AK6: variants seen among roughly 807,000 people sequenced by gnomAD.
The protein encoded by AK6 is adenylate kinase isoenzyme 6.
In AK6, 24 loss-of-function variants were observed where a neutral mutation model predicts 23.7. The ratio of observed to expected loss-of-function variants is 1.01; its 90% CI spans 0.73 to 1.43. The LOEUF (loss-of-function observed/expected upper bound fraction) is 1.43, where lower values mean the gene tolerates loss of function less well. Ranked by LOEUF, AK6 falls within the 40% of genes most tolerant of loss-of-function variation. The pLI is 0.00. For missense variants in AK6, 191 were observed against 199.1 expected, an observed-to-expected ratio of 0.96 and a Z score of 0.24; for synonymous variants, 73 against 69.8, an observed-to-expected ratio of 1.05 and a Z score of -0.23.
At chr5:69,352,475 T>TC (rs140559879) in intron 4 of AK6, among the ~76,000 whole-genome samples, 10,255 of 149,992 alleles carry the variant, frequency 0.068, 468 homozygotes, top group Non-Finnish European at 0.094. Flanking sequence ...TGTTTGAATT[T>TC]CCCCCCCCCA....
intron 2 of AK6, among the ~76,000 whole-genome samples, chr5:69,361,755 C>T (rs1762243424): frequency 1.3e-5 from 2 of 151,872 alleles, no homozygotes; most frequent in South Asian, 4.1e-4. Flanking sequence ...CTGGGGCCCA[C>T]CACCATACCT....
At chr5:69,369,370 C>A in intron 1 of AK6, 93 bp downstream of exon 1, 1 of 1,434,586 alleles carries the variant, frequency 7.0e-7, no homozygotes, top group South Asian at 1.3e-5. Context: ...CTGAAGAGGG[C>A]AGTGAGGGGC....
intron 2 of AK6, among the ~76,000 whole-genome samples, chr5:69,358,867 T>C (rs1276629443): frequency 3.3e-5 from 5 of 152,194 alleles, no homozygotes; most frequent in Non-Finnish European, 2.9e-5. Flanking sequence ...AAATCAACTT[T>C]CTAAACAAAG....
At chr5:69,353,152 C>A (rs925994417) in intron 4 of AK6, among the ~76,000 whole-genome samples, 1 of 152,044 alleles carries the variant, frequency 6.6e-6, no homozygotes, top group African/African-American at 2.4e-5. Context: ...TAAAAGTCCA[C>A]ATCCTGTATG....
chr5:69,365,224 C>T lies in AK6; in HGVS notation c.121+1279G>A. ...ATGGGAGTCCCTACTTTAGTTGAAACAGACATGGTCTGTGGGGTTGGTGTG... is the reference window on the plus strand; with the variant it reads ...ATGGGAGTCCCTACTTTAGTTGAAATAGACATGGTCTGTGGGGTTGGTGTG... On this transcript the variant is annotated intron_variant, in intron 2 of 4. Transcript: ENST00000380822. The T allele has an allele frequency of 6.2e-7, 1 of 1,614,198 alleles. No individual in the cohort carries two copies. The highest frequency in any genetic ancestry group is 8.5e-7 in the Non-Finnish European group (1 of 1,180,026).
intron 2 of AK6, chr5:69,365,090 T>C (rs759376864): frequency 1.7e-5 from 28 of 1,614,102 alleles, no homozygotes; most frequent in African/African-American, 1.2e-4. Context: ...CGATTAATGA[T>C]GGATTAATCA....
chr5:69,357,853 A>G (rs1417261609), intron 2 of AK6, among the ~76,000 whole-genome samples: 2 of 152,170 alleles, frequency 1.3e-5, no homozygotes, highest in Non-Finnish European at 2.9e-5. Context: ...TACCAACTTT[A>G]TAACTTTATA....
At position 69,362,745 on chromosome 5, in the gene AK6, TCAAA is replaced by T. The variant is rs777008855; in HGVS notation, c.121+3754_121+3757del. Among the ~76,000 whole-genome samples the T allele has an allele frequency of 1.3e-4, 20 of 151,968 alleles. No individual in the cohort carries two copies. In the East Asian group the frequency reaches 1.7e-3, roughly 13 times the overall value. On this transcript the variant is annotated intron_variant, in intron 2 of 4. Coordinates refer to ENST00000380822, the MANE Select transcript of AK6 (RefSeq NM_016283.5). ...CTGGGCCACAGAGCAAGACCCTGTC[TCAAA>T]CAAACAAACAAAAAAACCCCACAAA...
At chr5:69,366,789 ACT>A (rs1178281440) in intron 1 of AK6, 194 bp from the exon 2 acceptor site, 1 of 561,580 alleles carries the variant, frequency 1.8e-6, no homozygotes, top group Non-Finnish European at 3.2e-6. Context: ...ACAGAGTTTC[ACT>A]CTTGTCGCCC....
intron 2 of AK6, among the ~76,000 whole-genome samples, chr5:69,362,330 C>T (rs1240861561): frequency 1.3e-5 from 2 of 152,042 alleles, no homozygotes; most frequent in East Asian, 3.9e-4. Context: ...CCCCAAAGGG[C>T]AAAAATCACC....
intron 2 of AK6, among the ~76,000 whole-genome samples, chr5:69,356,807 C>T (rs549546276): frequency 2.0e-5 from 3 of 152,218 alleles, no homozygotes; most frequent in South Asian, 2.1e-4. Context: ...TCCAAACTGC[C>T]GTTCCTCATA....
chr5:69,368,209 T>C (rs1302563314), intron 1 of AK6, among the ~76,000 whole-genome samples: 1 of 152,220 alleles, frequency 6.6e-6, no homozygotes, highest in African/African-American at 2.4e-5. Context: ...TATTCCCTTT[T>C]ACATAAATGA....
At chr5:69,353,086 C>A (rs56112110) in intron 4 of AK6, among the ~76,000 whole-genome samples, 2,178 of 152,064 alleles carry the variant, frequency 0.014, 65 homozygotes, top group African/African-American at 0.05. Context: ...AAGTACTGGT[C>A]TATGATACAA....
intron 4 of AK6, among the ~76,000 whole-genome samples, chr5:69,353,454 C>T (rs575332485): frequency 2.6e-5 from 4 of 152,156 alleles, no homozygotes; most frequent in South Asian, 4.2e-4. Context: ...CAAGCCACCA[C>T]GCCCAGCTAA....
At position 69,355,713 on chromosome 5, in the gene AK6, A is replaced by C. The variant is rs867119381; in HGVS notation, c.262T>G (p.Trp88Gly). Residue 88 changes from tryptophan (W) to glycine (G), a missense_variant, in exon 4 of 5, where the codon TGG becomes GGG. Trp to Gly is a radical substitution (Grantham distance 184). Coordinates refer to ENST00000380822, the MANE Select transcript of AK6 (RefSeq NM_016283.5). ...YHGCDFFPER[W>G]FHIVFVLRTD... ...CTCAGCACAAAAACTATATGAAACC[A>C]GCGTTCAGGGAAGAAATCACAACCA... 1 of 1,614,088 alleles carries C rather than the reference A, an allele frequency of 6.2e-7. No individual in the cohort carries two copies. The highest frequency in any genetic ancestry group is 1.3e-5 in the African/African-American group (1 of 75,074).
At chr5:69,366,665 C>G (rs1230703651) in intron 1 of AK6, 70 bp from the exon 2 acceptor site, 12 of 1,136,282 alleles carry the variant, frequency 1.1e-5, no homozygotes, top group Non-Finnish European at 1.6e-5. Context: ...CACCTTCTGC[C>G]TTTCCTTTTA....
In AK6 at chr5:69,366,488, C is replaced by G. The variant is rs778729923; in HGVS notation, c.121+15G>C. The G allele has an allele frequency of 6.2e-7, 1 of 1,604,296 alleles. No individual in the cohort carries two copies. The highest frequency in any genetic ancestry group is 1.1e-5 in the South Asian group (1 of 90,186). ...AAAAAAAACAAAACAAATCTAACAC[C>G]AAAGTGTCCCTTACCTTCTCGAGCT... On this transcript the variant is annotated intron_variant, in intron 2 of 4. Coordinates refer to ENST00000380822, the MANE Select transcript of AK6 (RefSeq NM_016283.5).
Position 69,352,049 on chromosome 5 carries a change from T to C in AK6, c.*12A>G, listed in dbSNP as rs2150727741. On this transcript the variant is annotated 3_prime_UTR_variant, in exon 5 of 5. Coordinates refer to ENST00000380822, the MANE Select transcript of AK6 (RefSeq NM_016283.5). Reference sequence around the variant, plus strand: ...TCAACAAGAGTGATTATTAAGTAGCTAGCCTTATAAGTCAAGAGTTATGAT... The same window carrying C: ...TCAACAAGAGTGATTATTAAGTAGCCAGCCTTATAAGTCAAGAGTTATGAT... 1 of 1,592,568 alleles carries C rather than the reference T, an allele frequency of 6.3e-7. No individual in the cohort carries two copies. Among genetic ancestry groups the C allele is most frequent in the East Asian group, 2.2e-5 (1 of 44,674 alleles).
chr5:69,362,055 G>A (rs932194947), intron 2 of AK6, among the ~76,000 whole-genome samples: 2 of 150,026 alleles, frequency 1.3e-5, no homozygotes, highest in Admixed American at 6.7e-5. Flanking sequence ...TGATCACCAG[G>A]ATGATACTAA....
Sources: gnomAD v4.1 joint callset for allele counts (sites outside exome capture counted in the v4.1 genomes callset) on GRCh38, gnomAD v4.1.1 for gene constraint, MANE v1.5 for transcripts, NCBI Gene and HGNC (gene_info 2026-07-23, HGNC 2026-07-21) for gene names.